The following MYO5B variants were observed in gnomAD, a reference collection of about 807,000 sequenced individuals.
The protein encoded by MYO5B is unconventional myosin-Vb.
A neutral mutation model predicts 229.3 loss-of-function variants in MYO5B; 143 were observed. That is an observed-to-expected ratio of 0.62 (90% CI 0.54 to 0.72). The LOEUF is 0.72. Ranked by LOEUF, MYO5B falls within the 30% of genes least tolerant of loss-of-function variation. MYO5B has a pLI of 0.00. For synonymous variants in MYO5B, 918 were observed against 885.2 expected, an observed-to-expected ratio of 1.04 and a Z score of -0.66; for missense variants, 2,321 against 2,331.0, an observed-to-expected ratio of 1.00 and a Z score of 0.09.
chr18:49,883,269 C>T (rs191965865), intron 22 of MYO5B, among the ~76,000 whole-genome samples: 2 of 152,284 alleles, frequency 1.3e-5, no homozygotes, highest in East Asian at 3.9e-4. Flanking sequence ...AAGAAATTCA[C>T]TTAAAAACTA....
At chr18:50,095,152 A>G (rs1337768130) in intron 1 of MYO5B, among the ~76,000 whole-genome samples, 1 of 152,222 alleles carries the variant, frequency 6.6e-6, no homozygotes, top group Admixed American at 6.5e-5. Context: ...CATTCCCTGC[A>G]CAACCTTTCT....
At chr18:49,837,873 A>T in intron 36 of MYO5B, 71 bp from the exon 37 acceptor site, 1 of 1,552,216 alleles carries the variant, frequency 6.4e-7, no homozygotes. Flanking sequence ...CACTCAAATC[A>T]TTTAGTGCTC....
chr18:49,853,422 TG>T (rs756841425), intron 31 of MYO5B, 26 bp downstream of exon 31: 12 of 1,613,356 alleles, frequency 7.4e-6, no homozygotes, highest in Non-Finnish European at 9.3e-6. Context: ...TTCCCAAAGC[TG>T]GGGTCCACTA....
intron 17 of MYO5B, among the ~76,000 whole-genome samples, chr18:49,914,027 A>G (rs1215781050): frequency 1.3e-5 from 2 of 150,440 alleles, no homozygotes; most frequent in African/African-American, 2.5e-5. Flanking sequence ...CTCAATAACC[A>G]CCCCCCAGCA....
intron 12 of MYO5B, among the ~76,000 whole-genome samples, chr18:49,958,057 G>C (rs746684442): frequency 1.3e-5 from 2 of 152,014 alleles, no homozygotes; most frequent in African/African-American, 2.4e-5. Flanking sequence ...ATACCCCTCT[G>C]CACGCTCAGC....
At chr18:49,847,021 G>A (rs2024136780) in intron 33 of MYO5B, 125 bp downstream of exon 33, 4 of 1,249,562 alleles carry the variant, frequency 3.2e-6, no homozygotes, top group Non-Finnish European at 4.6e-6. Flanking sequence ...AGGGCAAGTA[G>A]GAGACAGAGG....
intron 1 of MYO5B, among the ~76,000 whole-genome samples, chr18:50,107,673 C>G (rs2031787579): frequency 6.6e-6 from 1 of 152,224 alleles, no homozygotes; most frequent in Non-Finnish European, 1.5e-5. Flanking sequence ...CCACACAGCA[C>G]TACACATCTG....
intron 31 of MYO5B, chr18:49,850,471 A>T (rs961350386): frequency 2.0e-5 from 3 of 152,282 alleles, no homozygotes; most frequent in Non-Finnish European, 4.4e-5. Flanking sequence ...ACCTAGTTAT[A>T]GATGTTGTTA....
chr18:50,116,372 T>C (rs1421155538), intron 1 of MYO5B, among the ~76,000 whole-genome samples: 1 of 152,160 alleles, frequency 6.6e-6, no homozygotes, highest in Non-Finnish European at 1.5e-5. Flanking sequence ...AATGAACACC[T>C]GGGAAGCAGG....
intron 31 of MYO5B, chr18:49,850,030 G>C (rs187456922): frequency 2.5e-5 from 9 of 356,946 alleles, no homozygotes; most frequent in South Asian, 1.6e-4. Flanking sequence ...CCCTGGGAAG[G>C]AACGGACAGG....
chr18:49,831,245 A>T (rs1359669267), intron 39 of MYO5B, among the ~76,000 whole-genome samples: 1 of 152,228 alleles, frequency 6.6e-6, no homozygotes, highest in Non-Finnish European at 1.5e-5. Flanking sequence ...TCAAGAGCAT[A>T]GGAAACAAAA....
chr18:49,945,628 A>G (rs2025363512), intron 14 of MYO5B, among the ~76,000 whole-genome samples: 1 of 152,160 alleles, frequency 6.6e-6, no homozygotes, highest in Admixed American at 6.5e-5. Flanking sequence ...CTTATCCAGT[A>G]GCCACATGTT....
intron 1 of MYO5B, among the ~76,000 whole-genome samples, chr18:50,111,505 T>G (rs938874845): frequency 2.0e-5 from 3 of 152,184 alleles, no homozygotes; most frequent in Non-Finnish European, 4.4e-5. Flanking sequence ...AGATTGTATC[T>G]CTCATTCAAA....
chr18:49,880,243 C>T, intron 23 of MYO5B, 128 bp downstream of exon 23: 1 of 845,264 alleles, frequency 1.2e-6, no homozygotes, highest in East Asian at 2.5e-5. Flanking sequence ...TCTTCATCTT[C>T]TTCTATTAAA....
chr18:50,037,544 T>G (rs1815929), intron 3 of MYO5B, among the ~76,000 whole-genome samples: 148,494 of 152,284 alleles, frequency 0.98, 72,519 homozygotes, highest in East Asian at 1. Flanking sequence ...CCTCAACTGT[T>G]ACATAAAATG....
chr18:49,990,371 G>T (rs943082475), intron 7 of MYO5B, 68 bp downstream of exon 7: 1 of 1,337,256 alleles, frequency 7.5e-7, no homozygotes, highest in Non-Finnish European at 1.1e-6. Flanking sequence ...TTTGAGCAGA[G>T]CCCCCAGCTG....
chr18:50,188,794 A>ACACACAC (rs1221026552), intron 1 of MYO5B, among the ~76,000 whole-genome samples: 1 of 129,286 alleles, frequency 7.7e-6, no homozygotes, highest in Non-Finnish European at 1.6e-5. Context: ...ATAAAAAAAA[A>ACACACAC]AAAAAAAAAA....
intron 1 of MYO5B, among the ~76,000 whole-genome samples, chr18:50,129,074 G>A (rs1448497217): frequency 6.6e-6 from 1 of 152,184 alleles, no homozygotes; most frequent in East Asian, 1.9e-4. Context: ...GGAGAATGAG[G>A]TGGCAGGGAA....
chr18:49,959,200 CCA>C (rs2025529605), intron 12 of MYO5B, among the ~76,000 whole-genome samples: 1 of 152,208 alleles, frequency 6.6e-6, no homozygotes, highest in South Asian at 2.1e-4. Flanking sequence ...GTCATTTCCT[CCA>C]CAGTGTTTCT....
Sources: allele counts gnomAD v4.1 joint callset (sites outside exome capture counted in the v4.1 genomes callset), GRCh38; gene constraint gnomAD v4.1.1; transcripts MANE v1.5; gene names NCBI Gene and HGNC (gene_info 2026-07-23, HGNC 2026-07-21).